TGM3: variants seen among roughly 807,000 people sequenced by gnomAD.
TGM3 encodes protein-glutamine gamma-glutamyltransferase E.
Under a neutral mutation model 73.8 loss-of-function variants are expected in TGM3, and 52 were observed. The ratio of observed to expected loss-of-function variants is 0.70; its 90% CI spans 0.56 to 0.89. TGM3 has a LOEUF of 0.89. TGM3 is among the 40% of genes least tolerant of loss of function. The pLI, the probability that TGM3 is intolerant of heterozygous loss-of-function variation, is 0.00. For synonymous variants in TGM3, 372 were observed against 354.9 expected (o/e 1.05, Z -0.54); for missense variants, 928 against 909.9 (o/e 1.02, Z -0.26).
chr20:2,318,510 A>G (rs1447961709), intron 7 of TGM3, among the ~76,000 whole-genome samples: 2 of 152,214 alleles, frequency 1.3e-5, no homozygotes, highest in Non-Finnish European at 2.9e-5. Flanking sequence ...ACATTGTTAC[A>G]ACTGTTTAAG....
At chr20:2,337,560 A>AACACACAC (rs2084356970) in intron 11 of TGM3, among the ~76,000 whole-genome samples, 1 of 152,036 alleles carries the variant, frequency 6.6e-6, no homozygotes, top group African/African-American at 2.4e-5. Flanking sequence ...CTCTACTAAA[A>AACACACAC]ATAGAAAAAA....
chr20:2,325,249 A>T (rs1214297303), intron 7 of TGM3, among the ~76,000 whole-genome samples: 1 of 152,200 alleles, frequency 6.6e-6, no homozygotes, highest in Non-Finnish European at 1.5e-5. Flanking sequence ...GACCTTGGCT[A>T]CCTGGCTGTG....
Position 2,300,433 on chromosome 20 carries a change from G to C in TGM3, c.7+4363G>C, listed in dbSNP as rs2084139009. Among the ~76,000 whole-genome samples, 2 of 152,186 alleles carry C rather than the reference G, an allele frequency of 1.3e-5. 1 individual carries two copies. Among genetic ancestry groups the C allele is most frequent in the South Asian group, 4.1e-4 (2 of 4,832 alleles). On this transcript the variant is annotated intron_variant, in intron 1 of 12. Transcript: ENST00000381458. The stretch of plus-strand genomic sequence containing the variant: ...GAGATTCTAAACTCTCTCTTAGGAA[G>C]AGAAGTCCTTCTGTCCTCTCCTTTT...
chr20:2,308,455 A>G (rs886967317), intron 1 of TGM3, among the ~76,000 whole-genome samples: 2 of 152,220 alleles, frequency 1.3e-5, no homozygotes, highest in Non-Finnish European at 2.9e-5. Context: ...CACCTGGTAC[A>G]TCATGGCATC....
chr20:2,308,879 C>CTTT (rs11308962), intron 1 of TGM3, among the ~76,000 whole-genome samples: 1 of 142,516 alleles, frequency 7.0e-6, no homozygotes, highest in Non-Finnish European at 1.5e-5. Context: ...CCCTTCAGTT[C>CTTT]TTTTTTTTTT....
Position 2,332,314 on chromosome 20 carries a change from A to C in TGM3, c.1642+4A>C. On this transcript the variant is annotated splice_donor_region_variant and intron_variant, in intron 10 of 12. Transcript: ENST00000381458. This position sits in a 1 kb window ranked among gnomAD's most constrained non-coding sequence, Gnocchi z 4.4. ...ATGTCCCTGGACCCTGAGGAAGGTA[A>C]CGCATCCCGCAGTTGGAGGAGATCC... The C allele has an allele frequency of 6.3e-7, 1 of 1,577,604 alleles. No homozygotes were observed. The highest frequency in any genetic ancestry group is 8.6e-7 in the Non-Finnish European group (1 of 1,160,384).
intron 7 of TGM3, among the ~76,000 whole-genome samples, chr20:2,325,535 G>T (rs1353002214): frequency 6.6e-6 from 1 of 152,196 alleles, no homozygotes; most frequent in Non-Finnish European, 1.5e-5. Context: ...AAAGGTGCAT[G>T]CTGGTCAAGG....
chr20:2,321,966 C>G (rs1287514184), intron 7 of TGM3, among the ~76,000 whole-genome samples: 1 of 151,822 alleles, frequency 6.6e-6, no homozygotes, highest in African/African-American at 2.4e-5. Flanking sequence ...TTTTAACCAG[C>G]CTGCCCTTCC....
chr20:2,315,340 C>A (rs1160128899), intron 5 of TGM3, among the ~76,000 whole-genome samples: 1 of 152,228 alleles, frequency 6.6e-6, no homozygotes, highest in Non-Finnish European at 1.5e-5. Flanking sequence ...CAGAGATGAC[C>A]GTGCTGATAG....
intron 11 of TGM3, among the ~76,000 whole-genome samples, chr20:2,336,608 G>A (rs936544349): frequency 6.7e-6 from 1 of 150,240 alleles, no homozygotes; most frequent in African/African-American, 2.5e-5. Context: ...CTCCCACATA[G>A]CTGGCCTGCA....
At chr20:2,338,743 G>C (rs550664530) in intron 11 of TGM3, among the ~76,000 whole-genome samples, 2 of 152,272 alleles carry the variant, frequency 1.3e-5, no homozygotes, top group East Asian at 1.9e-4. Context: ...AGCAACCTCC[G>C]GTCATCCTCA....
intron 5 of TGM3, among the ~76,000 whole-genome samples, chr20:2,316,001 C>T (rs2084231319): frequency 6.6e-6 from 1 of 152,210 alleles, no homozygotes; most frequent in Non-Finnish European, 1.5e-5. Flanking sequence ...ATCTGCGACC[C>T]TCTCTTTCAC....
intron 1 of TGM3, among the ~76,000 whole-genome samples, chr20:2,304,034 G>A (rs867649945): frequency 2.0e-5 from 3 of 152,294 alleles, no homozygotes; most frequent in African/African-American, 7.2e-5. Flanking sequence ...TGCGACTCCT[G>A]TCTCTTCTTC....
Position 2,339,906 on chromosome 20 carries a change from C to G in TGM3, c.1853C>G (p.Ser618Cys), listed in dbSNP as rs761842056. The change falls in exon 12 of 13, where the codon TCC becomes TGC. Residue 618 changes from serine (S) to cysteine (C), a missense_variant. Physicochemically the swap from Ser to Cys is moderately radical, Grantham distance 112. Transcript: ENST00000381458. Reference sequence around the variant, plus strand: ...CCTGTGAACGTGCAGATGCTCTTCTCCAATCCACTGGATGAGCCGGTGAGG... The same window carrying G: ...CCTGTGAACGTGCAGATGCTCTTCTGCAATCCACTGGATGAGCCGGTGAGG... ...RKPVNVQMLF[S>C]NPLDEPVRDC... 1.9e-6 allele frequency: 3 copies of G among 1,614,072 alleles called. No homozygotes were observed. Among genetic ancestry groups the G allele is most frequent in the East Asian group, 4.5e-5 (2 of 44,858 alleles).
chr20:2,335,366 C>A, intron 11 of TGM3, 93 bp downstream of exon 11: 1 of 1,511,262 alleles, frequency 6.6e-7, no homozygotes, highest in South Asian at 1.2e-5. Flanking sequence ...ACAGCTCTCC[C>A]AGAGGGCAAA....
chr20:2,318,327 T>A (rs2084246421), intron 7 of TGM3, among the ~76,000 whole-genome samples: 1 of 152,192 alleles, frequency 6.6e-6, no homozygotes, highest in African/African-American at 2.4e-5. Flanking sequence ...CCAAAATGTT[T>A]TATATATATT....
At chr20:2,331,824 A>G (rs1015833049) in intron 9 of TGM3, among the ~76,000 whole-genome samples, 178 bp from the exon 10 acceptor site, 1 of 152,320 alleles carries the variant, frequency 6.6e-6, no homozygotes, top group Middle Eastern at 3.4e-3. Context: ...CCAGAGACCA[A>G]CTGGTCTGTG....
chr20:2,337,588 C>T (rs1023906212), intron 11 of TGM3, among the ~76,000 whole-genome samples: 6 of 151,956 alleles, frequency 3.9e-5, no homozygotes, highest in Non-Finnish European at 2.9e-5. Flanking sequence ...GGCATGGTGG[C>T]GGGCACCTAT....
At position 2,335,185 on chromosome 20, in the gene TGM3, G is replaced by T; in HGVS notation, c.1712G>T (p.Arg571Leu). The change falls in exon 11 of 13, where the codon CGG becomes CTG. Residue 571 changes from arginine to leucine, a missense_variant. Arg to Leu is a moderately radical substitution (Grantham distance 102). Coordinates refer to ENST00000381458, the MANE Select transcript of TGM3 (RefSeq NM_003245.4). ...EKYLKSDNMIRITAVCKVPDE... is the reference protein window; with the variant it reads ...EKYLKSDNMILITAVCKVPDE... ...TACCTGAAGTCAGACAACATGATCC[G>T]GATCACAGCGGTGTGCAAGGTCCCA... is the stretch of plus-strand genomic sequence containing the variant. 1 of 1,614,246 alleles carries T rather than the reference G, an allele frequency of 6.2e-7. No individual in the cohort carries two copies. The highest frequency in any genetic ancestry group is 8.5e-7 in the Non-Finnish European group (1 of 1,180,042).
Sources: allele counts gnomAD v4.1 joint callset (sites outside exome capture counted in the v4.1 genomes callset), GRCh38; gene constraint gnomAD v4.1.1; non-coding constraint Gnocchi (gnomAD v3.1); transcripts MANE v1.5; gene names NCBI Gene and HGNC (gene_info 2026-07-23, HGNC 2026-07-21).